Variants in KLHDC2 observed in about 807,000 individuals in gnomAD.
KLHDC2 encodes the protein kelch domain-containing protein 2.
Under a neutral mutation model 62.3 loss-of-function variants are expected in KLHDC2, and 38 were observed. The ratio of observed to expected loss-of-function variants is 0.61; its 90% confidence interval spans 0.47 to 0.80. The LOEUF is 0.80. Ranked by LOEUF, KLHDC2 falls within the 30% of genes least tolerant of loss-of-function variation. KLHDC2 has a pLI of 0.00. For synonymous variants in KLHDC2, 159 were observed against 161.0 expected (o/e 0.99, Z 0.09); for missense variants, 430 against 495.3 (o/e 0.87, Z 1.25).
At chr14:49,778,814 C>T (rs1423702773) in intron 6 of KLHDC2, among the ~76,000 whole-genome samples, 1 of 151,788 alleles carries the variant, frequency 6.6e-6, no homozygotes, top group African/African-American at 2.4e-5. Context: ...ATCTCCACCT[C>T]CCAGGTTCAA....
At chr14:49,768,938 T>TG (rs989785200) in intron 1 of KLHDC2, 2 of 310,954 alleles carry the variant, frequency 6.4e-6, no homozygotes, top group Admixed American at 5.4e-5. Flanking sequence ...GCTTGGGCGG[T>TG]GCATTCGGAA....
chr14:49,782,324 A>C (rs763907641), intron 10 of KLHDC2, 46 bp from the exon 11 acceptor site: 5 of 1,316,500 alleles, frequency 3.8e-6, no homozygotes, highest in South Asian at 1.2e-5. Flanking sequence ...AAAATGGCCA[A>C]CTGGTGTTCT....
At chr14:49,779,965 T>G (rs1340963974) in intron 8 of KLHDC2, 159 bp downstream of exon 8, 5 of 640,826 alleles carry the variant, frequency 7.8e-6, no homozygotes, top group Admixed American at 2.9e-5. Context: ...ATTTTTGTGT[T>G]TCCAGTTCCT....
At chr14:49,774,435 G>A (rs535960614) in intron 2 of KLHDC2, 126 bp from the exon 3 acceptor site, 76 of 691,226 alleles carry the variant, frequency 1.1e-4, no homozygotes, top group African/African-American at 4.8e-4. Flanking sequence ...AGATCCTAGC[G>A]GCACTGTCTA....
chr14:49,777,262 T>G (rs535569465), intron 3 of KLHDC2, among the ~76,000 whole-genome samples: 5 of 152,068 alleles, frequency 3.3e-5, no homozygotes, highest in Admixed American at 3.3e-4. Context: ...GGGTGATAGA[T>G]GGGTGAGGGA....
At chr14:49,782,743 A>G in intron 12 of KLHDC2, 87 bp from the exon 13 acceptor site, 1 of 1,477,726 alleles carries the variant, frequency 6.8e-7, no homozygotes, top group African/African-American at 1.4e-5. Context: ...GAAGAAAGAA[A>G]GAGGGATGTT....
In KLHDC2 at chr14:49,783,919, A is replaced by C. The variant is rs1483313968; in HGVS notation, c.*966A>C. The C allele has an allele frequency of 6.6e-6, 1 of 152,190 alleles. No homozygotes were observed. The highest frequency in any genetic ancestry group is 1.9e-4 in the East Asian group (1 of 5,204). 9.4% of individuals were successfully genotyped at this position (152,190 alleles called of 1,614,324 possible). ...CACTCCAATACTTAGTTTTCAAGAC[A>C]CAATCCTAAATATTTAAACCCCTTG... On this transcript the variant is annotated 3_prime_UTR_variant, in exon 13 of 13. Transcript: ENST00000298307.
rs746333146 is a variant in KLHDC2, at chr14:49,784,546, C to T, written c.*1593C>T. 20 of 861,128 alleles carry T rather than the reference C, an allele frequency of 2.3e-5. No homozygotes were observed. The highest frequency in any genetic ancestry group is 2.7e-4 in the Middle Eastern group (1 of 3,662). The allele number at this position is 861,128 out of a possible 1,614,324, so 53.3% of individuals were successfully genotyped here. ...CAATGTTTAGTTCATTTTTATAATG[C>T]GGAAATCCTGATACATGGTGCTTTC... On this transcript the variant is annotated 3_prime_UTR_variant, in exon 13 of 13. Transcript: ENST00000298307.
At chr14:49,769,653 G>C (rs1889619851) in intron 1 of KLHDC2, among the ~76,000 whole-genome samples, 1 of 152,090 alleles carries the variant, frequency 6.6e-6, no homozygotes, top group Non-Finnish European at 1.5e-5. Context: ...AAATAGAAAG[G>C]GGGCCGGGCG....
Position 49,774,538 on chromosome 14 carries a change from ACATTT to A in KLHDC2, c.234-22_234-18del. 1 of 1,405,266 alleles carries A rather than the reference ACATTT, an allele frequency of 7.1e-7. No individual in the cohort carries two copies. Among genetic ancestry groups the A allele is most frequent in the South Asian group, 1.2e-5 (1 of 86,802 alleles). The allele number at this position is 1,405,266 out of a possible 1,614,324, so 87.0% of individuals were successfully genotyped here. A position where few individuals can be genotyped will look rare whatever the true frequency, so the allele number is the denominator to read the frequency against. On this transcript the variant is annotated intron_variant, in intron 2 of 12. Coordinates refer to ENST00000298307, the MANE Select transcript of KLHDC2 (RefSeq NM_014315.3). ...TGCATTTCTTCCCTTTAACTTACATACATTTAATTTATTCCCCCTCAGGAAAAAAA... is the reference window on the plus strand; with the variant it reads ...TGCATTTCTTCCCTTTAACTTACATAAATTTATTCCCCCTCAGGAAAAAAA...
intron 1 of KLHDC2, 153 bp downstream of exon 1, chr14:49,768,774 T>C (rs1454726048): frequency 1.5e-6 from 1 of 673,510 alleles, no homozygotes; most frequent in African/African-American, 1.9e-5. Flanking sequence ...TTGTTTTTTT[T>C]TTGCGCGCGG....
At chr14:49,780,420 G>C in intron 9 of KLHDC2, 98 bp downstream of exon 9, 1 of 847,024 alleles carries the variant, frequency 1.2e-6, no homozygotes, top group Non-Finnish European at 2.0e-6. Flanking sequence ...CGGCTTATAG[G>C]GTTGGTTGGA....
rs1890175865 is a variant in KLHDC2 at position 49,786,291 on chromosome 14, T to C, written c.*3338T>C. On this transcript the variant is annotated 3_prime_UTR_variant, in exon 13 of 13. Transcript: ENST00000298307. Reference sequence around the variant, plus strand: ...GAACAGCCTTCTCTCTTACCCATTATTAAGGAGAAATCCCAGAGTTCTTAT... The same window carrying C: ...GAACAGCCTTCTCTCTTACCCATTACTAAGGAGAAATCCCAGAGTTCTTAT... The C allele has an allele frequency of 5.8e-6, 1 of 170,968 alleles. No individual in the cohort carries two copies. Among genetic ancestry groups the C allele is most frequent in the South Asian group, 1.4e-4 (1 of 7,312 alleles). The allele number at this position is 170,968 out of a possible 1,614,324, so 10.6% of individuals were successfully genotyped here. A position where few individuals can be genotyped will look rare whatever the true frequency, so the allele number is the denominator to read the frequency against.
At chr14:49,770,506 G>A (rs1889640675) in intron 1 of KLHDC2, among the ~76,000 whole-genome samples, 1 of 152,102 alleles carries the variant, frequency 6.6e-6, no homozygotes, top group Non-Finnish European at 1.5e-5. Flanking sequence ...ACCCATTTTT[G>A]GCTAACCGCA....
chr14:49,771,452 G>A (rs967670383), intron 1 of KLHDC2, 142 bp from the exon 2 acceptor site: 49 of 519,726 alleles, frequency 9.4e-5, no homozygotes, highest in African/African-American at 8.1e-4. Context: ...TGAGTGTGTG[G>A]CATGGGTGGG....
At chr14:49,781,983 CTT>C (rs912322072) in intron 10 of KLHDC2, 53 of 179,188 alleles carry the variant, frequency 3.0e-4, no homozygotes, top group African/African-American at 4.7e-4. Flanking sequence ...CTTTCTGAGA[CTT>C]TATAGTTTAC....
At chr14:49,777,686 T>G in intron 3 of KLHDC2, 153 bp from the exon 4 acceptor site, 1 of 503,946 alleles carries the variant, frequency 2.0e-6, no homozygotes, top group Non-Finnish European at 3.5e-6. Context: ...AATCCTCATC[T>G]GGACTCTGAG....
rs1208518938 is a variant in KLHDC2, at chr14:49,768,372, C to T, written c.-97C>T. 7.2e-7 allele frequency: 1 copy of T among 1,381,614 alleles called. No homozygotes were observed. Among genetic ancestry groups the T allele is most frequent in the African/African-American group, 1.5e-5 (1 of 67,580 alleles). The allele number at this position is 1,381,614 out of a possible 1,614,324, so 85.6% of individuals were successfully genotyped here. On this transcript the variant is annotated 5_prime_UTR_variant, in exon 1 of 13. Coordinates refer to ENST00000298307, the MANE Select transcript of KLHDC2 (RefSeq NM_014315.3). ...CCGTCCCTTTCGCCACCGCCTTTTC[C>T]TTGCCTCGCGCCGCTGTGCATTTCT...
At position 49,785,046 on chromosome 14, in the gene KLHDC2, C is replaced by T. The variant is rs757279442; in HGVS notation, c.*2093C>T. The T allele has an allele frequency of 3.1e-6, 5 of 1,604,254 alleles. No individual in the cohort carries two copies. In the South Asian group the frequency reaches 4.4e-5, roughly 14 times the overall value. ...GAGTAAGAATAATCTACTGTTAAGTCACTGAACTGTTTAAAATCATAATTC... is the reference window on the plus strand; with the variant it reads ...GAGTAAGAATAATCTACTGTTAAGTTACTGAACTGTTTAAAATCATAATTC... On this transcript the variant is annotated 3_prime_UTR_variant, in exon 13 of 13. Transcript: ENST00000298307.
Sources: allele counts gnomAD v4.1 joint callset (sites outside exome capture counted in the v4.1 genomes callset), GRCh38; gene constraint gnomAD v4.1.1; transcripts MANE v1.5; gene names NCBI Gene and HGNC (gene_info 2026-07-23, HGNC 2026-07-21).